NRXN3: variants seen among roughly 807,000 people sequenced by gnomAD.
NRXN3 encodes neurexin 3, also known as neurexin III.
NRXN3 carries 32 observed loss-of-function variants against 137.6 expected under a neutral mutation model. The observed-to-expected ratio is 0.23, with a 90% CI of 0.18 to 0.31. The LOEUF is 0.31. Ranked by LOEUF, NRXN3 falls within the 10% of genes least tolerant of loss-of-function variation. The probability of loss-of-function intolerance (pLI) is 1.00; values close to 1 mark genes in which losing one functional copy is unlikely to be tolerated. For missense variants in NRXN3, 1,574 were observed against 2,062.5 expected (o/e 0.76, Z 4.59); for synonymous variants, 798 against 784.5 (o/e 1.02, Z -0.29).
At chr14:79,595,421 G>A (rs187486706) in intron 16 of NRXN3, among the ~76,000 whole-genome samples, 5 of 152,100 alleles carry the variant, frequency 3.3e-5, no homozygotes, top group Admixed American at 6.5e-5. Context: ...TTTTTGTCTA[G>A]AACTCTGCTG....
At chr14:79,288,884 A>G (rs902273632) in intron 15 of NRXN3, among the ~76,000 whole-genome samples, 3 of 152,216 alleles carry the variant, frequency 2.0e-5, no homozygotes, top group African/African-American at 7.2e-5. Flanking sequence ...TGAAACACTC[A>G]CACTTGATAT....
intron 19 of NRXN3, among the ~76,000 whole-genome samples, chr14:79,755,532 ATT>A (rs568489887): frequency 1.5e-4 from 21 of 140,448 alleles, no homozygotes; most frequent in Non-Finnish European, 1.3e-4. Context: ...AATACCGAAG[ATT>A]TTTTTTTTTT....
At chr14:79,384,988 T>C (rs1157416517) in intron 15 of NRXN3, among the ~76,000 whole-genome samples, 1 of 152,208 alleles carries the variant, frequency 6.6e-6, no homozygotes, top group African/African-American at 2.4e-5. Flanking sequence ...GAAATTGCTC[T>C]ACCTCTGTTT....
At chr14:78,762,943 T>C (rs1435189169) in intron 8 of NRXN3, among the ~76,000 whole-genome samples, 2 of 152,190 alleles carry the variant, frequency 1.3e-5, no homozygotes, top group Admixed American at 1.3e-4. Flanking sequence ...CCTTCCATGC[T>C]GTCCAGAGTT....
chr14:79,357,420 C>A (rs377276717), intron 15 of NRXN3, among the ~76,000 whole-genome samples: 1 of 152,102 alleles, frequency 6.6e-6, no homozygotes, highest in African/African-American at 2.4e-5. Context: ...CATTTGATTT[C>A]GGTTTGGTTT....
chr14:78,717,279 A>T (rs2098438393), intron 8 of NRXN3, among the ~76,000 whole-genome samples: 1 of 152,186 alleles, frequency 6.6e-6, no homozygotes, highest in Non-Finnish European at 1.5e-5. Flanking sequence ...TGCCAAGAAC[A>T]GTGAAAGTCA....
intron 15 of NRXN3, among the ~76,000 whole-genome samples, chr14:79,098,766 A>G (rs1200775015): frequency 6.6e-6 from 1 of 152,192 alleles, no homozygotes; most frequent in Non-Finnish European, 1.5e-5. Context: ...GGAATTCCTG[A>G]CCAGTGATAA....
chr14:79,231,522 G>T (rs942800994), intron 15 of NRXN3, among the ~76,000 whole-genome samples: 7 of 152,128 alleles, frequency 4.6e-5, no homozygotes, highest in Admixed American at 1.3e-4. Flanking sequence ...GGATAATTTG[G>T]TGCTCATCTG....
intron 4 of NRXN3, among the ~76,000 whole-genome samples, chr14:78,609,323 A>G (rs1467189560): frequency 6.6e-6 from 1 of 152,168 alleles, no homozygotes; most frequent in African/African-American, 2.4e-5. Flanking sequence ...CACAGGTGAA[A>G]GTAAACTTAG....
intron 19 of NRXN3, among the ~76,000 whole-genome samples, chr14:79,800,933 T>C (rs2099176908): frequency 6.6e-6 from 1 of 152,182 alleles, no homozygotes; most frequent in Non-Finnish European, 1.5e-5. Flanking sequence ...ACAAAAGTAG[T>C]TTCAAAAAAG....
At chr14:78,606,901 A>G (rs1352840302) in intron 4 of NRXN3, among the ~76,000 whole-genome samples, 1 of 152,250 alleles carries the variant, frequency 6.6e-6, no homozygotes, top group East Asian at 1.9e-4. Flanking sequence ...AAGTGTCTCA[A>G]TAGAAATTGT....
At chr14:78,387,300 C>T (rs2090114781) in intron 4 of NRXN3, among the ~76,000 whole-genome samples, 1 of 152,102 alleles carries the variant, frequency 6.6e-6, no homozygotes, top group Admixed American at 6.5e-5. Context: ...GGGTTAGCAT[C>T]ATGATTTCTT....
intron 10 of NRXN3, among the ~76,000 whole-genome samples, chr14:78,878,450 A>C (rs2099119140): frequency 6.6e-6 from 1 of 152,188 alleles, no homozygotes; most frequent in South Asian, 2.1e-4. Context: ...ATGCAAAATG[A>C]ATTTCTCAGT....
intron 15 of NRXN3, among the ~76,000 whole-genome samples, chr14:79,448,609 A>G (rs1484273647): frequency 1.3e-5 from 2 of 152,194 alleles, no homozygotes; most frequent in Non-Finnish European, 2.9e-5. Flanking sequence ...TACATATTTA[A>G]CAGTGTGTGT....
chr14:78,978,884 T>A (rs2099479949), intron 14 of NRXN3, among the ~76,000 whole-genome samples: 1 of 151,610 alleles, frequency 6.6e-6, no homozygotes. Flanking sequence ...ATAAAACAGT[T>A]GGATTCTAAA....
chr14:79,528,309 G>A (rs574332734), intron 16 of NRXN3, among the ~76,000 whole-genome samples: 1 of 152,256 alleles, frequency 6.6e-6, no homozygotes, highest in African/African-American at 2.4e-5. Context: ...ATGTTCTTGT[G>A]TGAGAGGTAA....
intron 17 of NRXN3, among the ~76,000 whole-genome samples, chr14:79,671,191 A>C (rs928986050): frequency 6.6e-6 from 1 of 152,132 alleles, no homozygotes; most frequent in Non-Finnish European, 1.5e-5. Context: ...GGAACAGTCT[A>C]TGGGAGTGTA....
intron 15 of NRXN3, among the ~76,000 whole-genome samples, chr14:79,249,491 C>T (rs2075656184): frequency 6.6e-6 from 1 of 152,172 alleles, no homozygotes; most frequent in East Asian, 1.9e-4. Flanking sequence ...TGAAAAGTCT[C>T]AATTGTCCCT....
intron 17 of NRXN3, among the ~76,000 whole-genome samples, chr14:79,685,493 A>G (rs1227582457): frequency 6.6e-6 from 1 of 150,440 alleles, no homozygotes; most frequent in Non-Finnish European, 1.5e-5. Context: ...TTGTTAATTT[A>G]TAACATGGCC....
Sources: gnomAD v4.1 joint callset for allele counts (sites outside exome capture counted in the v4.1 genomes callset) on GRCh38, gnomAD v4.1.1 for gene constraint, MANE v1.5 for transcripts, NCBI Gene and HGNC (gene_info 2026-07-23, HGNC 2026-07-21) for gene names.